The following PITPNC1 variants were observed in gnomAD, a reference collection of about 807,000 sequenced individuals.
PITPNC1 encodes cytoplasmic phosphatidylinositol transfer protein 1.
In PITPNC1, 18 loss-of-function variants were observed where a neutral mutation model predicts 44.7. That is an observed-to-expected ratio of 0.40 (90% confidence interval 0.28 to 0.60). The LOEUF is 0.60. Among genes scored for constraint, PITPNC1 ranks in the 20% least tolerant of loss-of-function variants. The pLI, the probability that PITPNC1 is intolerant of heterozygous loss-of-function variation, is 0.39. For synonymous variants in PITPNC1, 141 were observed against 149.6 expected, an observed-to-expected ratio of 0.94 and a Z score of 0.42; for missense variants, 290 against 418.4, an observed-to-expected ratio of 0.69 and a Z score of 2.68.
intron 5 of PITPNC1, among the ~76,000 whole-genome samples, chr17:67,602,730 T>G (rs2041558040): frequency 6.6e-6 from 1 of 151,964 alleles, no homozygotes; most frequent in Non-Finnish European, 1.5e-5. Flanking sequence ...ACCACTAACC[T>G]TGGGAATTTT....
intron 6 of PITPNC1, among the ~76,000 whole-genome samples, chr17:67,664,256 C>T (rs898088298): frequency 2.0e-5 from 3 of 152,142 alleles, no homozygotes; most frequent in African/African-American, 7.2e-5. Context: ...TGAGCCACTG[C>T]ACCTGGCCTC....
intron 5 of PITPNC1, among the ~76,000 whole-genome samples, chr17:67,618,785 G>A (rs373426044): frequency 2.0e-5 from 3 of 151,046 alleles, no homozygotes; most frequent in East Asian, 2.0e-4. Flanking sequence ...CTGGCCGGGC[G>A]CGGTGGCTCA....
chr17:67,541,922 C>A (rs756777457), intron 2 of PITPNC1, among the ~76,000 whole-genome samples: 6 of 152,162 alleles, frequency 3.9e-5, no homozygotes, highest in Non-Finnish European at 7.3e-5. Context: ...TCTCAGAATG[C>A]CTTATAGTGG....
At position 67,578,250 on chromosome 17, in the gene PITPNC1, A is replaced by G. The variant is rs1435644054; in HGVS notation, c.359A>G (p.Asn120Ser). Residue 120 changes from asparagine to serine, a missense_variant, in exon 5 of 9, where the codon AAT (asparagine) becomes AGT (serine). Coordinates refer to ENST00000581322, the MANE Select transcript of PITPNC1 (RefSeq NM_012417.4). ...AAGTATGAGGACAACAAAGGAAGCA[A>G]TGACACCGTGAGTAGCCCCTCCTTC... ...ETKYEDNKGS[N>S]DTIFDNEAKD... 1.2e-6 allele frequency: 2 copies of G among 1,609,564 alleles called. No homozygotes were observed. The highest frequency in any genetic ancestry group is 1.7e-6 in the Non-Finnish European group (2 of 1,176,556).
rs137918156 is a variant in PITPNC1 at position 67,404,820 on chromosome 17, G to A, written c.48+26618G>A. Among the ~76,000 whole-genome samples the A allele has an allele frequency of 2.0e-5, 3 of 152,318 alleles. No homozygotes were observed. The East Asian group carries it at 5.8e-4, about 29-fold the overall frequency. On this transcript the variant is annotated intron_variant, in intron 1 of 8. Coordinates refer to ENST00000581322, the MANE Select transcript of PITPNC1 (RefSeq NM_012417.4). ...TTTCTGGAGCTGGTGGCCAGGCATG[G>A]TGTAGATTATGGGTTGCTTGTAGGA...
At chr17:67,662,574 G>A (rs1049035099) in intron 6 of PITPNC1, among the ~76,000 whole-genome samples, 4 of 151,960 alleles carry the variant, frequency 2.6e-5, no homozygotes, top group Admixed American at 6.6e-5. Context: ...TCTGTTTGCC[G>A]TCATTCTGCA....
At chr17:67,691,193 T>C (rs981510531) in intron 8 of PITPNC1, among the ~76,000 whole-genome samples, 40 of 152,110 alleles carry the variant, frequency 2.6e-4, no homozygotes, top group African/African-American at 7.7e-4. Context: ...AAAGAGCAAA[T>C]AGACCCTGAG....
At chr17:67,552,212 A>T (rs769131622) in intron 2 of PITPNC1, 45 bp from the exon 3 acceptor site, 2 of 930,770 alleles carry the variant, frequency 2.1e-6, no homozygotes, top group East Asian at 4.8e-5. Context: ...GTGTGGTGAG[A>T]CTCTGAACAG....
At chr17:67,537,893 A>C (rs1364683366) in intron 2 of PITPNC1, among the ~76,000 whole-genome samples, 4 of 151,446 alleles carry the variant, frequency 2.6e-5, no homozygotes, top group African/African-American at 9.7e-5. Context: ...AATCACTTGA[A>C]CCCGCTAGGT....
At chr17:67,547,899 G>T (rs570004861) in intron 2 of PITPNC1, among the ~76,000 whole-genome samples, 8 of 152,292 alleles carry the variant, frequency 5.3e-5, no homozygotes, top group African/African-American at 1.4e-4. Context: ...GAGATGATCT[G>T]CCAGGGTTCA....
At chr17:67,529,031 G>C (rs1362162006) in intron 1 of PITPNC1, among the ~76,000 whole-genome samples, 1 of 151,994 alleles carries the variant, frequency 6.6e-6, no homozygotes, top group African/African-American at 2.4e-5. Flanking sequence ...CGGTGTCTGG[G>C]CTCGAGTGTC....
At chr17:67,466,113 A>G (rs2039423372) in intron 1 of PITPNC1, among the ~76,000 whole-genome samples, 3 of 146,000 alleles carry the variant, frequency 2.1e-5, no homozygotes, top group Non-Finnish European at 1.5e-5. Context: ...CGATCCCCCT[A>G]CCTTAGCCTC....
At chr17:67,629,111 G>T (rs1475681259) in intron 5 of PITPNC1, among the ~76,000 whole-genome samples, 1 of 152,038 alleles carries the variant, frequency 6.6e-6, no homozygotes, top group Non-Finnish European at 1.5e-5. Flanking sequence ...AACCTGTCAT[G>T]CCCCCCCTTC....
intron 2 of PITPNC1, among the ~76,000 whole-genome samples, chr17:67,539,242 A>G (rs185606575): frequency 1.4e-3 from 209 of 152,358 alleles, no homozygotes; most frequent in Admixed American, 2.7e-3. Flanking sequence ...CCACCTCTTT[A>G]GAGAGCAATG....
intron 5 of PITPNC1, among the ~76,000 whole-genome samples, chr17:67,599,034 A>ATATATTTT (rs1461493250): frequency 4.8e-4 from 17 of 35,672 alleles, no homozygotes; most frequent in Non-Finnish European, 6.4e-4. Flanking sequence ...ATATATATAT[A>ATATATTTT]TTTTTTTTTT....
intron 8 of PITPNC1, among the ~76,000 whole-genome samples, chr17:67,687,570 G>C (rs1413990677): frequency 6.6e-6 from 1 of 152,168 alleles, no homozygotes; most frequent in Non-Finnish European, 1.5e-5. Context: ...TTCATTCAAG[G>C]GAGGGCTTCT....
At chr17:67,565,206 A>G (rs982965196) in intron 4 of PITPNC1, among the ~76,000 whole-genome samples, 1 of 150,598 alleles carries the variant, frequency 6.6e-6, no homozygotes, top group Non-Finnish European at 1.5e-5. Context: ...CAGTGTGTGT[A>G]CTAGTTTTCT....
intron 6 of PITPNC1, among the ~76,000 whole-genome samples, chr17:67,640,975 GC>G (rs1345490487): frequency 2.0e-5 from 3 of 152,184 alleles, no homozygotes; most frequent in Admixed American, 2.0e-4. Context: ...GGGTGACAGG[GC>G]CAGACCCTGT....
At chr17:67,500,853 A>ATT (rs113737016) in intron 1 of PITPNC1, among the ~76,000 whole-genome samples, 1 of 142,386 alleles carries the variant, frequency 7.0e-6, no homozygotes, top group Non-Finnish European at 1.5e-5. Flanking sequence ...ACTTGACAAA[A>ATT]TTTTTTTTTT....
Sources: gnomAD v4.1 joint callset for allele counts (sites outside exome capture counted in the v4.1 genomes callset) on GRCh38, gnomAD v4.1.1 for gene constraint, MANE v1.5 for transcripts, NCBI Gene and HGNC (gene_info 2026-07-23, HGNC 2026-07-21) for gene names.